The following IL18BP variants were observed in gnomAD, a reference collection of about 807,000 sequenced individuals.
IL18BP encodes interleukin-18-binding protein.
A neutral mutation model predicts 19.9 loss-of-function variants in IL18BP; 23 were observed. The observed-to-expected ratio is 1.15, with a 90% CI of 0.83 to 1.64. The LOEUF is 1.64. IL18BP is among the 40% of genes most tolerant of loss of function. The probability of loss-of-function intolerance (pLI) is 0.00; values close to 1 mark genes in which losing one functional copy is unlikely to be tolerated. For missense variants in IL18BP, 239 were observed against 240.7 expected (o/e 0.99, Z 0.05); for synonymous variants, 107 against 101.0 (o/e 1.06, Z -0.35).
rs990705193 is a variant in IL18BP at position 71,999,940 on chromosome 11, G to A, written c.-45G>A. ...ACCTTTCACCAGAGAAGAGGACGTTGTCACAGATAAAGAGCCAGGCTCACC... is the reference window on the plus strand; with the variant it reads ...ACCTTTCACCAGAGAAGAGGACGTTATCACAGATAAAGAGCCAGGCTCACC... On this transcript the variant is annotated 5_prime_UTR_variant, in exon 2 of 6. Transcript: ENST00000393703. 6.2e-7 allele frequency: 1 copy of A among 1,609,332 alleles called. No individual in the cohort carries two copies. Among genetic ancestry groups the A allele is most frequent in the Non-Finnish European group, 8.5e-7 (1 of 1,176,330 alleles).
chr11:72,004,172 T>C (rs2852365), downstream of IL18BP: 1,541,208 of 1,606,634 alleles, frequency 0.96, 740,794 homozygotes, highest in Non-Finnish European at 0.98. Flanking sequence ...CCACGCTCTA[T>C]CAGCAAGGTC....
At position 72,001,511 on chromosome 11, in the gene IL18BP, G is replaced by T; in HGVS notation, c.466G>T (p.Glu156Ter). 1 of 1,613,940 alleles carries T rather than the reference G, an allele frequency of 6.2e-7. No individual in the cohort carries two copies. Residue 156 changes from glutamate to a stop codon, truncating the protein, a stop_gained, in exon 5 of 6, where the codon GAA (glutamate) becomes TAA (stop). Transcript: ENST00000393703. LOFTEE classifies it low-confidence loss of function (END_TRUNC). The stretch of plus-strand genomic sequence containing the variant: ...CTTCTCCTGTGTGCTCGTGGACCCT[G>T]AACAGGTTGTCCAGCGTCACGTCGT... Reference protein sequence around the residue: ...TNFSCVLVDPEQVVQRHVVLA... With the variant: ...TNFSCVLVDP
chr11:72,003,771 C>G, downstream of IL18BP: 1 of 1,167,982 alleles, frequency 8.6e-7, no homozygotes, highest in African/African-American at 1.5e-5. Context: ...CACCTCTTAC[C>G]CCACACCCTC....
intron 1 of IL18BP, chr11:71,999,608 C>G (rs1955102751): frequency 4.0e-6 from 1 of 249,226 alleles, no homozygotes; most frequent in Non-Finnish European, 7.9e-6. Context: ...GGCATCCTGC[C>G]CTTCCCAGAA....
chr11:72,006,074 G>A (rs745625793), downstream of IL18BP: 121 of 1,613,802 alleles, frequency 7.5e-5, no homozygotes, highest in Middle Eastern at 6.6e-4. Flanking sequence ...TGGGAACGAC[G>A]AGCAGAACTG....
downstream of IL18BP, chr11:72,005,931 G>C (rs1244598512): frequency 1.0e-6 from 1 of 965,768 alleles, no homozygotes; most frequent in Non-Finnish European, 1.6e-6. Flanking sequence ...ATGGTAGCAA[G>C]GAGGCCAGCC....
At chr11:71,999,886 G>C in intron 1 of IL18BP, 41 bp from the exon 2 acceptor site, 1 of 1,239,396 alleles carries the variant, frequency 8.1e-7, no homozygotes, top group South Asian at 1.3e-5. Flanking sequence ...CTGAGAAAAA[G>C]CGGGAGTGGT....
downstream of IL18BP, chr11:72,008,184 C>T (rs1374659569): frequency 4.2e-6 from 2 of 472,072 alleles, no homozygotes; most frequent in African/African-American, 4.0e-5. Context: ...TTAATAAAAA[C>T]ATTTTTCCAG....
At chr11:72,004,810 G>A (rs61749191), downstream of IL18BP, 5 of 1,572,044 alleles carry the variant, frequency 3.2e-6, no homozygotes, top group East Asian at 2.2e-5. Flanking sequence ...CCCAGGCTCA[G>A]GGAAGGCTGC....
chr11:72,000,928 G>C (rs1397038918), intron 3 of IL18BP, among the ~76,000 whole-genome samples: 2 of 152,210 alleles, frequency 1.3e-5, no homozygotes, highest in African/African-American at 4.8e-5. Flanking sequence ...CCGAGGCTGG[G>C]CACTAGAAAA....
chr11:72,006,506 G>C (rs138977624), downstream of IL18BP, among the ~76,000 whole-genome samples: 3 of 152,282 alleles, frequency 2.0e-5, no homozygotes, highest in South Asian at 4.1e-4. Context: ...ATAATGCTTT[G>C]AGGTAGGGAA....
downstream of IL18BP, chr11:72,003,241 T>C (rs1025985174): frequency 5.1e-5 from 25 of 486,244 alleles, no homozygotes; most frequent in Non-Finnish European, 5.2e-5. Flanking sequence ...AAAACCAGCC[T>C]CAAATCTGGT....
chr11:72,007,144 G>T, downstream of IL18BP: 1 of 1,596,282 alleles, frequency 6.3e-7, no homozygotes. Context: ...CCCTTGAGAG[G>T]AAGTGGGAAT....
intron 1 of IL18BP, 111 bp from the exon 2 acceptor site, chr11:71,999,816 T>A (rs1955114982): frequency 1.6e-6 from 1 of 637,640 alleles, no homozygotes; most frequent in Non-Finnish European, 2.8e-6. Flanking sequence ...TTCTAAGTGC[T>A]GAAAGAGCTC....
At chr11:72,006,012 G>GT (rs765994470), downstream of IL18BP, 2 of 1,567,574 alleles carry the variant, frequency 1.3e-6, no homozygotes, top group Non-Finnish European at 1.7e-6. Context: ...TTGGGGTATA[G>GT]TAAGTCCCTG....
intron 4 of IL18BP, 23 bp downstream of exon 4, chr11:72,001,347 G>T: frequency 6.2e-7 from 1 of 1,614,240 alleles, no homozygotes; most frequent in Non-Finnish European, 8.5e-7. Flanking sequence ...GCAGCCAGGT[G>T]GGTGGGAAGG....
chr11:72,004,491 A>T, downstream of IL18BP: 1 of 1,210,470 alleles, frequency 8.3e-7, no homozygotes. Flanking sequence ...TCCCTTCCCA[A>T]CAGTTCCCAT....
In IL18BP at chr11:72,001,251, A is replaced by G. The variant is rs1208051843; in HGVS notation, c.286A>G (p.Ser96Gly). The G allele has an allele frequency of 6.2e-7, 1 of 1,614,082 alleles. No individual in the cohort carries two copies. Among genetic ancestry groups the G allele is most frequent in the African/African-American group, 1.3e-5 (1 of 74,942 alleles). ...CVACSRFPNF[S>G]ILYWLGNGSF... ...GGCCTGCAGCCGCTTCCCCAACTTC[A>G]GCATCCTCTACTGGCTGGGCAATGG... Residue 96 changes from serine (S) to glycine (G), a missense_variant, in exon 4 of 6, where the codon AGC becomes GGC. Physicochemically the swap from Ser to Gly is moderately conservative, Grantham distance 56. Coordinates refer to ENST00000393703, the MANE Select transcript of IL18BP (RefSeq NM_001039660.2).
At chr11:72,003,803 T>C, downstream of IL18BP, 1 of 1,411,372 alleles carries the variant, frequency 7.1e-7, no homozygotes, top group Non-Finnish European at 9.9e-7. Flanking sequence ...CGTGGCCCCA[T>C]CTTGGATGCT....
Sources: allele counts gnomAD v4.1 joint callset (sites outside exome capture counted in the v4.1 genomes callset), GRCh38; gene constraint gnomAD v4.1.1; transcripts MANE v1.5; gene names NCBI Gene and HGNC (gene_info 2026-07-23, HGNC 2026-07-21).